LDB3: variants seen among roughly 807,000 people sequenced by gnomAD.
LDB3 encodes the protein LIM domain-binding protein 3.
LDB3 carries 49 observed loss-of-function variants against 69.0 expected under a neutral mutation model. The observed-to-expected ratio is 0.71, with a 90% CI of 0.56 to 0.90. LDB3 has a LOEUF of 0.90. Among genes scored for constraint, LDB3 ranks in the 40% least tolerant of loss-of-function variants. The probability of loss-of-function intolerance (pLI) is 0.00; values close to 1 mark genes in which losing one functional copy is unlikely to be tolerated. For synonymous variants in LDB3, 387 were observed against 396.2 expected, an observed-to-expected ratio of 0.98 and a Z score of 0.28; for missense variants, 928 against 974.1, an observed-to-expected ratio of 0.95 and a Z score of 0.63.
In LDB3 at chr10:86,681,764, G is replaced by A. The variant is rs1246502816; in HGVS notation, c.650G>A (p.Ser217Asn). The change falls in exon 5 of 14, where the codon AGC becomes AAC. Residue 217 changes from serine (S) to asparagine (N), a missense_variant. Ser to Asn is a conservative substitution (Grantham distance 46). Transcript: ENST00000361373. ...LREMAQMYQM[S>N]LRGKASGVGL... Reference sequence around the variant, plus strand: ...GAGATGGCTCAGATGTACCAGATGAGCCTCCGAGGGAAGGCCTCGGGTGTC... The same window carrying A: ...GAGATGGCTCAGATGTACCAGATGAACCTCCGAGGGAAGGCCTCGGGTGTC... 2 of 1,601,442 alleles carry A rather than the reference G, an allele frequency of 1.2e-6. No individual in the cohort carries two copies. Among genetic ancestry groups the A allele is most frequent in the Admixed American group, 3.4e-5 (2 of 58,658 alleles).
intron 13 of LDB3, among the ~76,000 whole-genome samples, chr10:86,731,881 T>C (rs1214482410): frequency 6.6e-6 from 1 of 152,084 alleles, no homozygotes. Flanking sequence ...CATATTAGGT[T>C]AAAGGTGACA....
rs1382786046 is a variant in LDB3, at chr10:86,674,866, C to T, written c.94-4501C>T. Among the ~76,000 whole-genome samples, 4 of 152,222 alleles carry T rather than the reference C, an allele frequency of 2.6e-5. No homozygotes were observed. In the East Asian group the frequency reaches 5.8e-4, roughly 22 times the overall value. On this transcript the variant is annotated intron_variant, in intron 2 of 13. Transcript: ENST00000361373. ...CTGGGCAAGGGTCTGAGGGTGCCCC[C>T]CTCCAACCCACCCAGGCAGGCTGCT...
chr10:86,696,217 C>A (rs776826217), intron 7 of LDB3, among the ~76,000 whole-genome samples: 1 of 152,194 alleles, frequency 6.6e-6, no homozygotes, highest in Non-Finnish European at 1.5e-5. Flanking sequence ...TTTTGCCCCC[C>A]CTGCAGCCAC....
chr10:86,701,625 T>C (rs1360875881), intron 7 of LDB3, among the ~76,000 whole-genome samples: 1 of 152,224 alleles, frequency 6.6e-6, no homozygotes. Context: ...TGATCATGTA[T>C]GGTCCAGAGA....
chr10:86,716,218 T>C (rs1201690799), intron 9 of LDB3, 109 bp from the exon 10 acceptor site: 1 of 1,285,188 alleles, frequency 7.8e-7, no homozygotes, highest in Non-Finnish European at 1.1e-6. Context: ...GAAATTGTAC[T>C]GCTCTAATGT....
chr10:86,715,573 A>G (rs1304251072), intron 9 of LDB3, among the ~76,000 whole-genome samples: 1 of 152,166 alleles, frequency 6.6e-6, no homozygotes, highest in Non-Finnish European at 1.5e-5. Flanking sequence ...ATCTTTAGAC[A>G]GTCACTCAGA....
chr10:86,693,320 A>C (rs1472894015), intron 7 of LDB3, among the ~76,000 whole-genome samples: 1 of 152,098 alleles, frequency 6.6e-6, no homozygotes, highest in Non-Finnish European at 1.5e-5. Flanking sequence ...TTGTATGTAC[A>C]CTTCCGGTAG....
At chr10:86,683,942 G>A (rs1283020953) in intron 5 of LDB3, among the ~76,000 whole-genome samples, 5 of 152,228 alleles carry the variant, frequency 3.3e-5, no homozygotes, top group African/African-American at 1.2e-4. Context: ...AAACAGGCTG[G>A]GACGGGTGGG....
intron 12 of LDB3, among the ~76,000 whole-genome samples, chr10:86,725,752 C>T (rs1365288849): frequency 1.3e-5 from 2 of 152,146 alleles, no homozygotes; most frequent in Admixed American, 6.5e-5. Flanking sequence ...CTCTTAAATA[C>T]GTTGGACCCA....
intron 12 of LDB3, among the ~76,000 whole-genome samples, chr10:86,721,100 G>A (rs7350396): frequency 7.1e-4 from 108 of 152,312 alleles, no homozygotes; most frequent in Middle Eastern, 6.8e-3. Context: ...ATGAGCCACC[G>A]TGCCTATTTT....
In LDB3 at chr10:86,716,495, C is replaced by A; in HGVS notation, c.1400C>A (p.Pro467His). Residue 467 changes from proline (P) to histidine (H), a missense_variant, in exon 10 of 14, where the codon CCC (proline) becomes CAC (histidine). By Grantham distance (77) the Pro-to-His change is moderately conservative (BLOSUM62 -2). Coordinates refer to ENST00000361373, the MANE Select transcript of LDB3 (RefSeq NM_007078.3). ...CCAGCCTATACCCCCTCACCTGCCC[C>A]CAACTATAACCCTGCACCCTCGGTG... ...PAPAYTPSPA[P>H]NYNPAPSVAY... 6.2e-7 allele frequency: 1 copy of A among 1,612,178 alleles called. No individual in the cohort carries two copies. Among genetic ancestry groups the A allele is most frequent in the Non-Finnish European group, 8.5e-7 (1 of 1,179,498 alleles).
At chr10:86,710,182 C>A in intron 9 of LDB3, 132 bp downstream of exon 9, 1 of 1,526,774 alleles carries the variant, frequency 6.5e-7, no homozygotes, top group Non-Finnish European at 8.8e-7. Flanking sequence ...TGATGCTCCG[C>A]CCTCCGTCCC....
At position 86,681,522 on chromosome 10, in the gene LDB3, G is replaced by T. The variant is rs375626151; in HGVS notation, c.408G>T (p.Pro136=). 1 of 1,612,162 alleles carries T rather than the reference G, an allele frequency of 6.2e-7. No individual in the cohort carries two copies. Among genetic ancestry groups the T allele is most frequent in the Non-Finnish European group, 8.5e-7 (1 of 1,179,730 alleles). ...CCAGCCCAGGCACCCCAGGCACCCC[G>T]GAGCTCAGGCCCACCTTTAGCCCTG... ...ARASPGTPGT[P]ELRPTFSPAF... The change falls in exon 5 of 14, where the codon CCG becomes CCT. Residue 136 remains proline, a synonymous_variant. Coordinates refer to ENST00000361373, the MANE Select transcript of LDB3 (RefSeq NM_007078.3).
At chr10:86,698,701 G>T (rs79917147) in intron 7 of LDB3, among the ~76,000 whole-genome samples, 74 of 152,288 alleles carry the variant, frequency 4.9e-4, no homozygotes, top group African/African-American at 1.7e-3. Flanking sequence ...TGGCGAGCAG[G>T]GGTGGGCAGG....
chr10:86,684,721 T>TC (rs1589629873), intron 5 of LDB3, among the ~76,000 whole-genome samples: 1 of 152,038 alleles, frequency 6.6e-6, no homozygotes, highest in African/African-American at 2.4e-5. Flanking sequence ...GGGCCCAAGC[T>TC]CCCCCAGCTA....
Position 86,709,913 on chromosome 10 carries a change from C to A in LDB3, c.1094C>A (p.Ala365Asp), listed in dbSNP as rs747011937. ...TCCCCGCTTGGTTCCAGGCCCCAGG[C>A]CTCTTCCTACAGCCCCGCAGTGGCC... is the stretch of plus-strand genomic sequence containing the variant. The part of the protein sequence containing the change: ...SSPADSPRPQ[A>D]SSYSPAVAAS... Residue 365 changes from alanine (A) to aspartate (D), a missense_variant, in exon 9 of 14, where the codon GCC becomes GAC. Coordinates refer to ENST00000361373, the MANE Select transcript of LDB3 (RefSeq NM_007078.3). 6.2e-7 allele frequency: 1 copy of A among 1,610,698 alleles called. No homozygotes were observed. Among genetic ancestry groups the A allele is most frequent in the African/African-American group, 1.3e-5 (1 of 74,950 alleles).
chr10:86,717,253 G>A (rs73346108), intron 10 of LDB3, among the ~76,000 whole-genome samples: 1,623 of 152,268 alleles, frequency 0.011, 24 homozygotes, highest in African/African-American at 0.037. Flanking sequence ...TGGACCATGG[G>A]TGCTGTTGTT....
rs1381057453 is a variant in LDB3, at chr10:86,710,005, C to T, written c.1186C>T (p.Arg396Trp). The T allele has an allele frequency of 4.3e-6, 7 of 1,613,080 alleles. No individual in the cohort carries two copies. Among genetic ancestry groups the T allele is most frequent in the Non-Finnish European group, 5.9e-6 (7 of 1,180,028 alleles). The change falls in exon 9 of 14, where the codon CGG becomes TGG. Residue 396 changes from arginine (R) to tryptophan (W), a missense_variant. By Grantham distance (101) the Arg-to-Trp change is moderately radical. Coordinates refer to ENST00000361373, the MANE Select transcript of LDB3 (RefSeq NM_007078.3). ...CCCCGCCGCCCCTGCACCCAAGCCC[C>T]GGGTTGTCACCACTGCCAGCATCCG... ...EGPAAPAPKP[R>W]VVTTASIRPS...
At chr10:86,719,280 T>C (rs1385218309) in intron 12 of LDB3, among the ~76,000 whole-genome samples, 1 of 151,914 alleles carries the variant, frequency 6.6e-6, no homozygotes, top group Non-Finnish European at 1.5e-5. Flanking sequence ...TAGTCTCAGC[T>C]ACGCAGGAGG....
Sources: allele counts gnomAD v4.1 joint callset (sites outside exome capture counted in the v4.1 genomes callset), GRCh38; gene constraint gnomAD v4.1.1; transcripts MANE v1.5; gene names NCBI Gene and HGNC (gene_info 2026-07-23, HGNC 2026-07-21).